NLRC4: variants seen among roughly 807,000 people sequenced by gnomAD.
The protein encoded by NLRC4 is NLR family CARD domain-containing protein 4.
A neutral mutation model predicts 79.9 loss-of-function variants in NLRC4; 63 were observed. That is an observed-to-expected ratio of 0.79 (90% CI 0.64 to 0.97). NLRC4 has a LOEUF of 0.97. NLRC4 is among the 50% of genes least tolerant of loss of function. The pLI is 0.00. For missense variants in NLRC4, 1,074 were observed against 1,215.2 expected (o/e 0.88, Z 1.73); for synonymous variants, 461 against 456.5 (o/e 1.01, Z -0.12).
At chr2:32,243,795 C>CA (rs796675444) in intron 4 of NLRC4, among the ~76,000 whole-genome samples, 1,956 of 67,094 alleles carry the variant, frequency 0.029, 28 homozygotes, top group African/African-American at 0.077. Context: ...GATTCCATCT[C>CA]AAAAAAAAAA....
At chr2:32,260,550 C>G (rs1243646491) in intron 1 of NLRC4, among the ~76,000 whole-genome samples, 1 of 152,056 alleles carries the variant, frequency 6.6e-6, no homozygotes, top group African/African-American at 2.4e-5. Flanking sequence ...TCAAAAAGCC[C>G]CCAAATCATA....
chr2:32,227,405 T>C (rs188053510), intron 8 of NLRC4, among the ~76,000 whole-genome samples: 1 of 152,280 alleles, frequency 6.6e-6, no homozygotes, highest in East Asian at 1.9e-4. Flanking sequence ...GAGGATGGCT[T>C]TCTCCCTGCT....
intron 5 of NLRC4, among the ~76,000 whole-genome samples, chr2:32,239,674 T>C (rs554672991): frequency 6.6e-6 from 1 of 152,372 alleles, no homozygotes; most frequent in Non-Finnish European, 1.5e-5. Flanking sequence ...ATTACTGATA[T>C]AATTAGACTG....
rs1687429508 is a variant in NLRC4 at position 32,264,753 on chromosome 2, A to G, written c.-134T>C. ...CCCACAGTACCTGGCTGAGCAATCC[A>G]ATTGCCCTCTTCTTGGGAGACCAAG... On this transcript the variant is annotated 5_prime_UTR_variant, in exon 1 of 9. Coordinates refer to ENST00000402280, the MANE Select transcript of NLRC4 (RefSeq NM_001199138.2). The G allele has an allele frequency of 6.6e-6, 1 of 152,114 alleles. No individual in the cohort carries two copies. Among genetic ancestry groups the G allele is most frequent in the African/African-American group, 2.4e-5 (1 of 41,404 alleles). 9.4% of individuals were successfully genotyped at this position (152,114 alleles called of 1,614,324 possible). A position where few individuals can be genotyped will look rare whatever the true frequency, so the allele number is the denominator to read the frequency against.
chr2:32,252,593 A>G lies in NLRC4; in HGVS notation c.88T>C (p.Trp30Arg). 2 of 1,613,248 alleles carry G rather than the reference A, an allele frequency of 1.2e-6. No homozygotes were observed. The highest frequency in any genetic ancestry group is 1.7e-6 in the Non-Finnish European group (2 of 1,179,080). The change falls in exon 3 of 9, where the codon TGG (tryptophan) becomes CGG (arginine). Residue 30 changes from tryptophan (W) to arginine (R), a missense_variant. Physicochemically the swap from Trp to Arg is moderately radical, Grantham distance 101 (BLOSUM62 -3). Coordinates refer to ENST00000402280, the MANE Select transcript of NLRC4 (RefSeq NM_001199138.2). The stretch of plus-strand genomic sequence containing the variant: ...ACTTCTTCGCGATTCAGAACATTCC[A>G]TACAAATAGGTCATCTGTGATTTGC... ...IKQITDDLFV[W>R]NVLNREEVNI...
At chr2:32,256,531 A>G (rs997176376) in intron 2 of NLRC4, among the ~76,000 whole-genome samples, 3 of 152,230 alleles carry the variant, frequency 2.0e-5, no homozygotes, top group African/African-American at 7.2e-5. Flanking sequence ...ACAGGTGATG[A>G]GAACTAACAG....
At chr2:32,256,739 G>GT (rs773341285) in intron 2 of NLRC4, 36 bp downstream of exon 2, 29 of 780,512 alleles carry the variant, frequency 3.7e-5, no homozygotes, top group Middle Eastern at 4.5e-4. Context: ...GTAGCAGACT[G>GT]TATAACCAGG....
At chr2:32,224,832 C>T in intron 8 of NLRC4, 67 bp from the exon 9 acceptor site, 1 of 913,992 alleles carries the variant, frequency 1.1e-6, no homozygotes, top group Non-Finnish European at 1.6e-6. Context: ...GAAATAGGTT[C>T]TACATTTATT....
chr2:32,241,999 A>T (rs1444842873), intron 4 of NLRC4, among the ~76,000 whole-genome samples: 1 of 152,144 alleles, frequency 6.6e-6, no homozygotes, highest in African/African-American at 2.4e-5. Flanking sequence ...GAAAGAAAAT[A>T]ATAAAGATAA....
intron 1 of NLRC4, among the ~76,000 whole-genome samples, chr2:32,261,316 C>CCCTT: frequency 1.4e-4 from 14 of 96,914 alleles, no homozygotes; most frequent in South Asian, 3.1e-4. Flanking sequence ...AGCCTCCCCC[C>CCCTT]TTTTGTTTTT....
intron 8 of NLRC4, among the ~76,000 whole-genome samples, chr2:32,225,061 A>G (rs1686347270): frequency 6.6e-6 from 1 of 152,088 alleles, no homozygotes; most frequent in East Asian, 1.9e-4. Flanking sequence ...CCTTACTCCT[A>G]GGAAATGGAA....
intron 8 of NLRC4, among the ~76,000 whole-genome samples, chr2:32,226,603 G>A (rs1160108859): frequency 2.6e-5 from 4 of 152,166 alleles, no homozygotes; most frequent in African/African-American, 4.8e-5. Flanking sequence ...GACAGAGGCC[G>A]GGTGCGGTGG....
rs778726912 is a variant in NLRC4 at position 32,251,369 on chromosome 2, G to T, written c.495C>A (p.Cys165Ter). The change falls in exon 4 of 9, where the codon TGC (cysteine) becomes TGA (stop). Residue 165 changes from cysteine (C) to a stop codon, truncating the protein, a stop_gained. Transcript: ENST00000402280. LOFTEE classifies it high-confidence loss of function. ...CTTTGCCAGATTCCCCTTCAATGAT[G>T]CAGGGGCTCTGAAGAGCCTGCAGGA... ...NGLLQALQSP[C>*]IIEGESGKGK... 5 of 1,614,104 alleles carry T rather than the reference G, an allele frequency of 3.1e-6. No individual in the cohort carries two copies. The highest frequency in any genetic ancestry group is 1.1e-5 in the South Asian group (1 of 91,080).
intron 8 of NLRC4, among the ~76,000 whole-genome samples, chr2:32,235,044 G>A (rs1364864751): frequency 1.3e-5 from 2 of 152,018 alleles, no homozygotes; most frequent in Non-Finnish European, 2.9e-5. Flanking sequence ...AGCTACATTC[G>A]CCTTTATATG....
intron 4 of NLRC4, among the ~76,000 whole-genome samples, chr2:32,245,506 A>T (rs1686914702): frequency 6.6e-6 from 1 of 152,092 alleles, no homozygotes; most frequent in Non-Finnish European, 1.5e-5. Context: ...GGAAATGGTT[A>T]ATGGATACAA....
At chr2:32,238,055 A>T in intron 6 of NLRC4, 77 bp downstream of exon 6, 2 of 1,015,502 alleles carry the variant, frequency 2.0e-6, no homozygotes, top group Non-Finnish European at 2.8e-6. Context: ...CATTTGAGAC[A>T]TTTAGTGTGA....
At chr2:32,244,401 G>A (rs1686881446) in intron 4 of NLRC4, among the ~76,000 whole-genome samples, 1 of 151,120 alleles carries the variant, frequency 6.6e-6, no homozygotes, top group Admixed American at 6.6e-5. Context: ...CTTGATAAAA[G>A]ACACCTACAA....
Position 32,236,319 on chromosome 2 carries a change from C to T in NLRC4, c.2542G>A (p.Val848Ile). Residue 848 changes from valine (V) to isoleucine (I), a missense_variant, in exon 7 of 9, where the codon GTC becomes ATC. By Grantham distance (29) the Val-to-Ile change is conservative. Transcript: ENST00000402280. ...KILAQNLHNL[V>I]KLSILDLSEN... ...GATAAATCAAGAATGCTCAGTTTGACCAAATTGTGAAGATTCTGAGCTGGG... is the reference window on the plus strand; with the variant it reads ...GATAAATCAAGAATGCTCAGTTTGATCAAATTGTGAAGATTCTGAGCTGGG... 1.2e-6 allele frequency: 2 copies of T among 1,606,698 alleles called. No individual in the cohort carries two copies. The highest frequency in any genetic ancestry group is 1.7e-6 in the Non-Finnish European group (2 of 1,176,540).
rs150636128 is a variant in NLRC4, at chr2:32,249,798, C to T, written c.2066G>A (p.Ser689Asn). ...YLGKIFSSAT[S>N]LRLQIKRCAG... Reference sequence around the variant, plus strand: ...ACATCTCTTTATTTGCAGCCTGAGGCTTGTGGCAGAGCTGAATATTTTCCC... The same window carrying T: ...ACATCTCTTTATTTGCAGCCTGAGGTTTGTGGCAGAGCTGAATATTTTCCC... The change falls in exon 4 of 9, where the codon AGC (serine) becomes AAC (asparagine). Residue 689 changes from serine to asparagine, a missense_variant. Coordinates refer to ENST00000402280, the MANE Select transcript of NLRC4 (RefSeq NM_001199138.2). The T allele has an allele frequency of 1.9e-6, 3 of 1,614,090 alleles. No individual in the cohort carries two copies. In the African/African-American group the frequency reaches 4.0e-5, roughly 22 times the overall value.
Sources: gnomAD v4.1 joint callset for allele counts (sites outside exome capture counted in the v4.1 genomes callset) on GRCh38, gnomAD v4.1.1 for gene constraint, MANE v1.5 for transcripts, NCBI Gene and HGNC (gene_info 2026-07-23, HGNC 2026-07-21) for gene names.